BIRC6: variants seen among roughly 807,000 people sequenced by gnomAD.
BIRC6 encodes the protein dual E2 ubiquitin-conjugating enzyme/E3 ubiquitin-protein ligase BIRC6.
A neutral mutation model predicts 503.3 loss-of-function variants in BIRC6; 98 were observed. That is an observed-to-expected ratio of 0.19 (90% confidence interval 0.17 to 0.23). The LOEUF is 0.23. Ranked by LOEUF, BIRC6 falls within the 10% of genes least tolerant of loss-of-function variation. The pLI is 1.00. For missense variants in BIRC6, 5,360 were observed against 5,806.0 expected, an observed-to-expected ratio of 0.92 and a Z score of 2.50; for synonymous variants, 2,240 against 2,078.7, an observed-to-expected ratio of 1.08 and a Z score of -2.11.
chr2:32,488,585 C>A lies in BIRC6; in HGVS notation c.7969-3C>A. 1 of 1,512,386 alleles carries A rather than the reference C, an allele frequency of 6.6e-7. No individual in the cohort carries two copies. The highest frequency in any genetic ancestry group is 8.8e-7 in the Non-Finnish European group (1 of 1,132,442). The allele number at this position is 1,512,386 out of a possible 1,614,324, so 93.7% of individuals were successfully genotyped here. On this transcript the variant is annotated splice_polypyrimidine_tract_variant and splice_region_variant and intron_variant, in intron 41 of 73. Transcript: ENST00000421745. ...TCTCCTGTTGATTTTCATTCTTTTT[C>A]AGTTGGAGTCACTTCTCCAATTGTG...
intron 21 of BIRC6, among the ~76,000 whole-genome samples, chr2:32,445,911 G>A (rs2045897985): frequency 6.6e-6 from 1 of 151,584 alleles, no homozygotes; most frequent in African/African-American, 2.4e-5. Context: ...AGGCTGGAGT[G>A]CAATGGTGTG....
At chr2:32,585,670 G>A (rs1442210893) in intron 66 of BIRC6, among the ~76,000 whole-genome samples, 6 of 152,110 alleles carry the variant, frequency 3.9e-5, no homozygotes, top group Non-Finnish European at 7.4e-5. Flanking sequence ...GTGAGCCACC[G>A]TGCCCAGCCG....
In BIRC6 at chr2:32,414,945, A is replaced by G. The variant is rs2042253052; in HGVS notation, c.1654A>G (p.Thr552Ala). ...PCLTNSKSEK[T>A]KEKHQEQHNI... is the part of the protein sequence containing the mutation. ...TTTAACAAACTCTAAGAGTGAAAAGACAAAGGAAAAGCACCAGGAGCAACA... is the reference window on the plus strand; with the variant it reads ...TTTAACAAACTCTAAGAGTGAAAAGGCAAAGGAAAAGCACCAGGAGCAACA... The change falls in exon 10 of 74, where the codon ACA becomes GCA. Residue 552 changes from threonine (T) to alanine (A), a missense_variant. Physicochemically the swap from Thr to Ala is moderately conservative, Grantham distance 58 (BLOSUM62 0). This residue lies in a region of BIRC6 where 700 missense variants were observed against 739.3 expected (regional missense o/e 0.95). Coordinates refer to ENST00000421745, the MANE Select transcript of BIRC6 (RefSeq NM_016252.4). 6.2e-7 allele frequency: 1 copy of G among 1,613,908 alleles called. No individual in the cohort carries two copies. Among genetic ancestry groups the G allele is most frequent in the Non-Finnish European group, 8.5e-7 (1 of 1,179,900 alleles).
At chr2:32,509,579 C>T in intron 51 of BIRC6, 159 bp from the exon 52 acceptor site, 1 of 793,374 alleles carries the variant, frequency 1.3e-6, no homozygotes, top group Non-Finnish European at 2.0e-6. Flanking sequence ...GGGAAACTTA[C>T]TGTCTGTTTA....
chr2:32,378,936 C>G (rs1035163051), intron 2 of BIRC6: 6 of 152,050 alleles, frequency 3.9e-5, no homozygotes, highest in African/African-American at 1.4e-4. Flanking sequence ...TTCATAATTA[C>G]TGGATTTTGC....
At chr2:32,396,597 T>G (rs1388290166) in intron 6 of BIRC6, among the ~76,000 whole-genome samples, 1 of 152,224 alleles carries the variant, frequency 6.6e-6, no homozygotes, top group Non-Finnish European at 1.5e-5. Flanking sequence ...ATTGGATACC[T>G]GAAACAGCAG....
At position 32,392,113 on chromosome 2, in the gene BIRC6, A is replaced by G; in HGVS notation, c.914A>G (p.Gln305Arg). ...SWPHVGYRWA[Q>R]PDPMAQAGFY... ...CCTCATGTAGGCTATAGGTGGGCAC[A>G]ACCAGATCCCATGGCTCAAGCTGGA... The change falls in exon 5 of 74, where the codon CAA (glutamine) becomes CGA (arginine). Residue 305 changes from glutamine (Q) to arginine (R), a missense_variant. Physicochemically the swap from Gln to Arg is conservative, Grantham distance 43. Coordinates refer to ENST00000421745, the MANE Select transcript of BIRC6 (RefSeq NM_016252.4). 6.3e-7 allele frequency: 1 copy of G among 1,596,548 alleles called. No homozygotes were observed. The highest frequency in any genetic ancestry group is 8.5e-7 in the Non-Finnish European group (1 of 1,170,642).
rs375676382 is a variant in BIRC6 at position 32,595,161 on chromosome 2, G to T, written c.13612+17G>T. The T allele has an allele frequency of 2.0e-6, 3 of 1,490,434 alleles. No homozygotes were observed. Among genetic ancestry groups the T allele is most frequent in the African/African-American group, 2.8e-5 (2 of 70,692 alleles). The allele number at this position is 1,490,434 out of a possible 1,614,324, so 92.3% of individuals were successfully genotyped here. A position where few individuals can be genotyped will look rare whatever the true frequency, so the allele number is the denominator to read the frequency against. Reference sequence around the variant, plus strand: ...TACAGTTTGGTAAGATGAAATTTTTGATTTGCTTAAGATCTCACTTTCCAT... The same window carrying T: ...TACAGTTTGGTAAGATGAAATTTTTTATTTGCTTAAGATCTCACTTTCCAT... On this transcript the variant is annotated intron_variant, in intron 68 of 73. Coordinates refer to ENST00000421745, the MANE Select transcript of BIRC6 (RefSeq NM_016252.4).
At chr2:32,473,021 G>A (rs950952179) in intron 32 of BIRC6, 91 bp from the exon 33 acceptor site, 6 of 1,103,812 alleles carry the variant, frequency 5.4e-6, no homozygotes, top group African/African-American at 4.8e-5. Flanking sequence ...ATTGACACAT[G>A]TATAACTGTG....
intron 1 of BIRC6, among the ~76,000 whole-genome samples, chr2:32,366,482 C>T (rs779642172): frequency 2.0e-5 from 3 of 152,088 alleles, no homozygotes; most frequent in African/African-American, 4.8e-5. Flanking sequence ...CTGAAAATCT[C>T]TAGTTGTAAC....
chr2:32,433,854 T>A, intron 13 of BIRC6, 50 bp downstream of exon 13: 2 of 1,386,884 alleles, frequency 1.4e-6, no homozygotes, highest in Non-Finnish European at 1.9e-6. Flanking sequence ...TGTGGTTGAT[T>A]TCTGAAAACT....
intron 51 of BIRC6, 88 bp from the exon 52 acceptor site, chr2:32,509,650 C>T (rs755439215): frequency 4.1e-6 from 6 of 1,458,310 alleles, no homozygotes; most frequent in South Asian, 3.6e-5. Flanking sequence ...TTATGAAACA[C>T]AACATGCTGA....
intron 66 of BIRC6, among the ~76,000 whole-genome samples, chr2:32,591,588 A>C (rs2061383863): frequency 1.3e-5 from 2 of 152,188 alleles, no homozygotes; most frequent in South Asian, 4.1e-4. Flanking sequence ...TGTTTCATCA[A>C]AGAGAAAATA....
At chr2:32,450,025 A>G (rs549159808) in intron 22 of BIRC6, among the ~76,000 whole-genome samples, 2 of 152,252 alleles carry the variant, frequency 1.3e-5, no homozygotes, top group South Asian at 4.2e-4. Context: ...CTAGTAGGAG[A>G]GACTAGAACT....
At chr2:32,419,141 C>T (rs772306437) in intron 10 of BIRC6, among the ~76,000 whole-genome samples, 5 of 152,088 alleles carry the variant, frequency 3.3e-5, no homozygotes, top group Admixed American at 3.3e-4. Context: ...GATGAAGGTG[C>T]ATTTGAAAAG....
chr2:32,401,975 A>G (rs1207913911), intron 8 of BIRC6, among the ~76,000 whole-genome samples: 2 of 152,204 alleles, frequency 1.3e-5, no homozygotes, highest in Non-Finnish European at 2.9e-5. Context: ...AGAGCATTCG[A>G]ACTAGATGAT....
In BIRC6 at chr2:32,614,085, T is replaced by A. The variant is rs560686305; in HGVS notation, c.14394+2503T>A. Among the ~76,000 whole-genome samples, 11 of 152,368 alleles carry A rather than the reference T, an allele frequency of 7.2e-5. 1 individual carries two copies. In the South Asian group the frequency reaches 2.3e-3, roughly 32 times the overall value. The stretch of plus-strand genomic sequence containing the variant: ...CCTCAAATCAAGTTTTCTAGCTTTC[T>A]ATTTACTTAATTTTACTTGATTTTA... On this transcript the variant is annotated intron_variant, in intron 73 of 73. Coordinates refer to ENST00000421745, the MANE Select transcript of BIRC6 (RefSeq NM_016252.4).
Position 32,401,153 on chromosome 2 carries a change from C to A in BIRC6, c.1035-10C>A. The A allele has an allele frequency of 6.2e-7, 1 of 1,607,784 alleles. No homozygotes were observed. Among genetic ancestry groups the A allele is most frequent in the Non-Finnish European group, 8.5e-7 (1 of 1,175,176 alleles). On this transcript the variant is annotated splice_polypyrimidine_tract_variant and intron_variant, in intron 6 of 73. Transcript: ENST00000421745. ...TTTAGTAAACTTTTCCTTTCTAAAT[C>A]TATGCAAAGGTCTGAACACGAAAGA...
intron 40 of BIRC6, among the ~76,000 whole-genome samples, chr2:32,485,988 C>T (rs980620261): frequency 9.9e-5 from 15 of 152,184 alleles, no homozygotes; most frequent in African/African-American, 3.4e-4. Flanking sequence ...GCTGTCAGTT[C>T]AGTGCAGAAA....
Sources: allele counts gnomAD v4.1 joint callset (sites outside exome capture counted in the v4.1 genomes callset), GRCh38; gene constraint gnomAD v4.1.1; regional missense constraint gnomAD v4.1.1; transcripts MANE v1.5; gene names NCBI Gene and HGNC (gene_info 2026-07-23, HGNC 2026-07-21).